SENP6: variants seen among roughly 807,000 people sequenced by gnomAD.
SENP6 encodes the protein sentrin-specific protease 6.
A neutral mutation model predicts 134.5 loss-of-function variants in SENP6; 41 were observed. That is an observed-to-expected ratio of 0.30 (90% CI 0.24 to 0.40). SENP6 has a LOEUF of 0.40. Among genes scored for constraint, SENP6 ranks in the 10% least tolerant of loss-of-function variants. The pLI, the probability that SENP6 is intolerant of heterozygous loss-of-function variation, is 1.00. For missense variants in SENP6, 1,248 were observed against 1,312.5 expected (o/e 0.95, Z 0.76); for synonymous variants, 395 against 429.8 (o/e 0.92, Z 1.00).
At chr6:75,682,712 A>T (rs1159310916) in intron 16 of SENP6, among the ~76,000 whole-genome samples, 1 of 152,160 alleles carries the variant, frequency 6.6e-6, no homozygotes, top group Non-Finnish European at 1.5e-5. Flanking sequence ...AGCTTCATCC[A>T]TGTCCCTGCA....
In SENP6 at chr6:75,680,688, T is replaced by G. The variant is rs1773402982; in HGVS notation, c.2075+1761T>G. Among the ~76,000 whole-genome samples the G allele has an allele frequency of 2.0e-5, 3 of 152,110 alleles. No homozygotes were observed. The South Asian group carries it at 6.2e-4, about 32-fold the overall frequency. On this transcript the variant is annotated intron_variant, in intron 16 of 23. Transcript: ENST00000447266. ...TCACAATGACCCCAAGGTAATTAAG[T>G]TAACTATACAGCCTGGACTTGCACC...
At chr6:75,628,937 T>A (rs186108613) in intron 3 of SENP6, among the ~76,000 whole-genome samples, 8 of 152,288 alleles carry the variant, frequency 5.3e-5, no homozygotes, top group Non-Finnish European at 1.0e-4. Flanking sequence ...GCCACCAGGC[T>A]GGTCTTGGAA....
chr6:75,672,240 T>G (rs1369282102), intron 11 of SENP6, among the ~76,000 whole-genome samples: 2 of 152,232 alleles, frequency 1.3e-5, no homozygotes, highest in Non-Finnish European at 2.9e-5. Flanking sequence ...AATGCTGTTA[T>G]TTATAACTCT....
intron 16 of SENP6, among the ~76,000 whole-genome samples, chr6:75,683,656 C>A (rs968352865): frequency 2.7e-5 from 4 of 150,096 alleles, no homozygotes; most frequent in African/African-American, 9.9e-5. Context: ...AATAGGGAAT[C>A]CTTTCCCCGT....
chr6:75,634,839 T>TA, intron 5 of SENP6, 28 bp downstream of exon 5: 3 of 1,403,544 alleles, frequency 2.1e-6, no homozygotes, highest in Non-Finnish European at 3.0e-6. Flanking sequence ...CTTTGGTTAG[T>TA]ATATACATGG....
At chr6:75,683,476 C>T (rs1391982603) in intron 16 of SENP6, among the ~76,000 whole-genome samples, 1 of 152,182 alleles carries the variant, frequency 6.6e-6, no homozygotes, top group African/African-American at 2.4e-5. Context: ...TTGCCCATGC[C>T]TATGACCTGA....
chr6:75,716,382 C>T lies in SENP6; in HGVS notation c.*788C>T, dbSNP rs1266429396. Reference sequence around the variant, plus strand: ...CTCTATTACAGCTTAAAGTATGCTACAATCTGTGTCATATAGTTAATTGAT... The same window carrying T: ...CTCTATTACAGCTTAAAGTATGCTATAATCTGTGTCATATAGTTAATTGAT... On this transcript the variant is annotated 3_prime_UTR_variant, in exon 24 of 24. Coordinates refer to ENST00000447266, the MANE Select transcript of SENP6 (RefSeq NM_015571.4). 6.6e-6 allele frequency: 1 copy of T among 151,996 alleles called. No individual in the cohort carries two copies. Among genetic ancestry groups the T allele is most frequent in the Non-Finnish European group, 1.5e-5 (1 of 67,880 alleles). The allele number at this position is 151,996 out of a possible 1,614,324, so 9.4% of individuals were successfully genotyped here. A position where few individuals can be genotyped will look rare whatever the true frequency, so the allele number is the denominator to read the frequency against.
chr6:75,649,570 G>A (rs1032775433), intron 7 of SENP6, among the ~76,000 whole-genome samples: 4 of 152,214 alleles, frequency 2.6e-5, no homozygotes, highest in Non-Finnish European at 5.9e-5. Flanking sequence ...CAGGCTGGAA[G>A]GCAGTGGTGT....
intron 16 of SENP6, among the ~76,000 whole-genome samples, chr6:75,692,996 A>G (rs1188513848): frequency 6.6e-6 from 1 of 152,220 alleles, no homozygotes; most frequent in Non-Finnish European, 1.5e-5. Flanking sequence ...GCTTCAGCCC[A>G]GGAGGCGGAG....
chr6:75,697,674 G>A, intron 18 of SENP6, 157 bp downstream of exon 18: 1 of 570,018 alleles, frequency 1.8e-6, no homozygotes, highest in Non-Finnish European at 3.1e-6. Context: ...AAGAATTAAT[G>A]CAGTTTCACA....
intron 6 of SENP6, among the ~76,000 whole-genome samples, chr6:75,646,005 G>A (rs1345835211): frequency 6.6e-6 from 1 of 152,128 alleles, no homozygotes; most frequent in Non-Finnish European, 1.5e-5. Flanking sequence ...CAAGAGCACT[G>A]CATTAATATA....
rs1300141858 is a variant in SENP6 at position 75,705,558 on chromosome 6, AAATT to A, written c.2716+2501_2716+2504del. Among the ~76,000 whole-genome samples the A allele has an allele frequency of 2.8e-3, 416 of 150,634 alleles. 2 individuals carry two copies. Among genetic ancestry groups the A allele is most frequent in the African/African-American group, 8.9e-3 (363 of 40,702 alleles). ...GACTCCATCTCAAAAATAAATAAAT[AAATT>A]AATTAATTAATTAAAAACTAGTTTC... On this transcript the variant is annotated intron_variant, in intron 19 of 23. Transcript: ENST00000447266.
intron 1 of SENP6, among the ~76,000 whole-genome samples, chr6:75,610,688 A>G (rs975869975): frequency 6.6e-6 from 1 of 152,064 alleles, no homozygotes; most frequent in African/African-American, 2.4e-5. Flanking sequence ...ATGTTTGGAC[A>G]CTCTGCCTTG....
chr6:75,714,671 G>A (rs1276311706), intron 23 of SENP6, among the ~76,000 whole-genome samples: 1 of 152,070 alleles, frequency 6.6e-6, no homozygotes, highest in African/African-American at 2.4e-5. Context: ...CCCTATTTAA[G>A]CTTCTAGCCT....
At chr6:75,603,170 T>G (rs1387996752) in intron 1 of SENP6, among the ~76,000 whole-genome samples, 1 of 152,192 alleles carries the variant, frequency 6.6e-6, no homozygotes, top group Non-Finnish European at 1.5e-5. Flanking sequence ...GTTTACAGTG[T>G]CAATTTTGGG....
At chr6:75,683,878 G>T (rs10943278) in intron 16 of SENP6, among the ~76,000 whole-genome samples, 2 of 151,938 alleles carry the variant, frequency 1.3e-5, no homozygotes, top group Admixed American at 1.3e-4. Context: ...TTGGCAATGC[G>T]GGCTCTTTTT....
chr6:75,653,309 G>A (rs1415868546), intron 7 of SENP6, among the ~76,000 whole-genome samples: 1 of 152,188 alleles, frequency 6.6e-6, no homozygotes, highest in Non-Finnish European at 1.5e-5. Context: ...GGGATTACAG[G>A]CATGAGCCAC....
At chr6:75,620,326 A>C (rs1768174232) in intron 1 of SENP6, among the ~76,000 whole-genome samples, 1 of 152,112 alleles carries the variant, frequency 6.6e-6, no homozygotes, top group African/African-American at 2.4e-5. Context: ...GGGCTGCTGT[A>C]TTGAAGTCCA....
At chr6:75,702,082 T>C (rs1775074061) in intron 18 of SENP6, among the ~76,000 whole-genome samples, 1 of 152,138 alleles carries the variant, frequency 6.6e-6, no homozygotes, top group Admixed American at 6.6e-5. Flanking sequence ...CGTTCAGGGA[T>C]TGTTTGCAAA....
Sources: allele counts gnomAD v4.1 joint callset (sites outside exome capture counted in the v4.1 genomes callset), GRCh38; gene constraint gnomAD v4.1.1; transcripts MANE v1.5; gene names NCBI Gene and HGNC (gene_info 2026-07-23, HGNC 2026-07-21).